The following PARD3B variants were observed in gnomAD, a reference collection of about 807,000 sequenced individuals.
PARD3B encodes the protein partitioning defective 3 homolog B.
A neutral mutation model predicts 130.2 loss-of-function variants in PARD3B; 103 were observed. The observed-to-expected ratio is 0.79, with a 90% confidence interval of 0.67 to 0.93. The LOEUF (loss-of-function observed/expected upper bound fraction) is 0.93, where lower values mean the gene tolerates loss of function less well. Among genes scored for constraint, PARD3B ranks in the 40% least tolerant of loss-of-function variants. The pLI is 0.00. For synonymous variants in PARD3B, 583 were observed against 553.2 expected (o/e 1.05, Z -0.76); for missense variants, 1,609 against 1,499.2 (o/e 1.07, Z -1.21).
At chr2:204,903,165 G>T (rs1199519045) in intron 2 of PARD3B, among the ~76,000 whole-genome samples, 2 of 152,214 alleles carry the variant, frequency 1.3e-5, no homozygotes, top group African/African-American at 4.8e-5. Flanking sequence ...AATGAGAAAG[G>T]TTGCCATTCT....
intron 11 of PARD3B, among the ~76,000 whole-genome samples, chr2:205,162,587 C>T (rs2034567221): frequency 6.6e-6 from 1 of 152,192 alleles, no homozygotes; most frequent in South Asian, 2.1e-4. Context: ...TAAATACAAG[C>T]ATATATGTCA....
chr2:204,728,297 T>C (rs1407727233), intron 2 of PARD3B, among the ~76,000 whole-genome samples: 1 of 152,084 alleles, frequency 6.6e-6, no homozygotes, highest in Non-Finnish European at 1.5e-5. Flanking sequence ...TTTACTACCA[T>C]AGTGAACAAT....
At position 205,146,897 on chromosome 2, in the gene PARD3B, G is replaced by C. The variant is rs1168548447; in HGVS notation, c.1435-11825G>C. ...ACCCGGCTAATTTTTTGTATTTTTA[G>C]TAGGAATGGGGTTTTGCCATGTTGG... On this transcript the variant is annotated intron_variant, in intron 10 of 22. Coordinates refer to ENST00000406610, the MANE Select transcript of PARD3B (RefSeq NM_001302769.2). This position sits in a 1 kb window ranked among gnomAD's most constrained non-coding sequence, Gnocchi z 4.3. Among the ~76,000 whole-genome samples the C allele has an allele frequency of 6.6e-6, 1 of 151,720 alleles. No individual in the cohort carries two copies. Among genetic ancestry groups the C allele is most frequent in the African/African-American group, 2.4e-5 (1 of 41,312 alleles).
chr2:204,567,362 A>C (rs915642297), intron 1 of PARD3B, among the ~76,000 whole-genome samples: 2 of 152,170 alleles, frequency 1.3e-5, no homozygotes, highest in African/African-American at 4.8e-5. Flanking sequence ...CCATTAAATA[A>C]TAACTCCCTA....
chr2:204,607,202 A>G (rs2033753768), intron 1 of PARD3B, among the ~76,000 whole-genome samples: 1 of 152,212 alleles, frequency 6.6e-6, no homozygotes, highest in South Asian at 2.1e-4. Context: ...TCAAAGTTTA[A>G]GATGGTATCC....
intron 18 of PARD3B, among the ~76,000 whole-genome samples, chr2:205,359,039 T>G (rs938524965): frequency 2.6e-5 from 4 of 152,208 alleles, no homozygotes; most frequent in Non-Finnish European, 5.9e-5. Flanking sequence ...ATCAGAATTT[T>G]TGAAGGTAGC....
chr2:204,627,195 A>G (rs2034516099), intron 1 of PARD3B, among the ~76,000 whole-genome samples: 2 of 152,146 alleles, frequency 1.3e-5, no homozygotes, highest in African/African-American at 4.8e-5. Flanking sequence ...CTGTCAGTCA[A>G]TTAAACCTCT....
chr2:204,928,822 A>G (rs952496450), intron 2 of PARD3B, among the ~76,000 whole-genome samples: 9 of 152,110 alleles, frequency 5.9e-5, no homozygotes, highest in African/African-American at 2.2e-4. Flanking sequence ...AATAATAACA[A>G]TAGTTGGAGT....
chr2:205,080,555 A>T (rs1302435300), intron 4 of PARD3B, among the ~76,000 whole-genome samples: 1 of 152,116 alleles, frequency 6.6e-6, no homozygotes, highest in Non-Finnish European at 1.5e-5. Context: ...TTATCTAAAA[A>T]TCTGTTTTAT....
intron 2 of PARD3B, among the ~76,000 whole-genome samples, chr2:204,694,678 G>C (rs1198755141): frequency 6.6e-6 from 1 of 152,026 alleles, no homozygotes; most frequent in Non-Finnish European, 1.5e-5. Flanking sequence ...CCTTACTATA[G>C]CTAAGGCAAA....
chr2:205,611,434 A>AATACTGAC, intron 22 of PARD3B, among the ~76,000 whole-genome samples: 1 of 152,320 alleles, frequency 6.6e-6, no homozygotes, highest in Non-Finnish European at 1.5e-5. Flanking sequence ...CTTAATGAAA[A>AATACTGAC]ATACTGACAT....
At chr2:204,981,984 T>TACAC (rs891600888) in intron 3 of PARD3B, among the ~76,000 whole-genome samples, 1 of 151,932 alleles carries the variant, frequency 6.6e-6, no homozygotes, top group Admixed American at 6.6e-5. Flanking sequence ...TGTGTGTATG[T>TACAC]ACACACACAC....
At position 204,943,047 on chromosome 2, in the gene PARD3B, C is replaced by T. The variant is rs1247414189; in HGVS notation, c.223-22105C>T. Among the ~76,000 whole-genome samples the T allele has an allele frequency of 2.0e-5, 3 of 151,898 alleles. No individual in the cohort carries two copies. The highest frequency in any genetic ancestry group is 4.8e-5 in the African/African-American group (2 of 41,350). On this transcript the variant is annotated intron_variant, in intron 2 of 22. Transcript: ENST00000406610. The surrounding 1 kb of genome is among the most constrained non-coding windows in gnomAD (Gnocchi z 4.2). ...AAAATAAAAATTAAAAAAGAAAAGA[C>T]AAGAAAGACTTTGTGTAAAAAGACA...
intron 1 of PARD3B, among the ~76,000 whole-genome samples, chr2:204,547,405 A>G (rs1401355742): frequency 6.6e-6 from 1 of 152,162 alleles, no homozygotes; most frequent in Non-Finnish European, 1.5e-5. Flanking sequence ...TACTGATGGA[A>G]TTGAGGTGGA....
chr2:205,299,220 G>A (rs1388859118), intron 16 of PARD3B, among the ~76,000 whole-genome samples: 1 of 152,040 alleles, frequency 6.6e-6, no homozygotes, highest in Non-Finnish European at 1.5e-5. Context: ...ATTCCTTAAT[G>A]CTGTGTGCAG....
chr2:205,177,549 C>T lies in PARD3B; in HGVS notation c.1924+972C>T, dbSNP rs921738887. ...AGTACCATATATTATGTAATCAGTCCCTATATTTTGAACACTTAAGTGTTA... is the reference window on the plus strand; with the variant it reads ...AGTACCATATATTATGTAATCAGTCTCTATATTTTGAACACTTAAGTGTTA... On this transcript the variant is annotated intron_variant, in intron 13 of 22. Coordinates refer to ENST00000406610, the MANE Select transcript of PARD3B (RefSeq NM_001302769.2). Among the ~76,000 whole-genome samples, 4 of 151,988 alleles carry T rather than the reference C, an allele frequency of 2.6e-5. No homozygotes were observed. In the East Asian group the frequency reaches 5.8e-4, roughly 22 times the overall value.
intron 2 of PARD3B, among the ~76,000 whole-genome samples, chr2:204,751,992 C>T (rs1207491308): frequency 6.6e-6 from 1 of 151,940 alleles, no homozygotes; most frequent in East Asian, 1.9e-4. Flanking sequence ...CCTGCTGATC[C>T]CAATGTCAAA....
Position 205,253,362 on chromosome 2 carries a change from G to C in PARD3B, c.2185+7540G>C, listed in dbSNP as rs2039938309. On this transcript the variant is annotated intron_variant, in intron 16 of 22. Coordinates refer to ENST00000406610, the MANE Select transcript of PARD3B (RefSeq NM_001302769.2). The surrounding 1 kb of genome is among the most constrained non-coding windows in gnomAD (Gnocchi z 4.4). ...GATGGAACTGATGGAGGAAATGCTG[G>C]GACTGTGGGTCAGTGCTGACACACC... 1 of 561,234 alleles carries C rather than the reference G, an allele frequency of 1.8e-6. No individual in the cohort carries two copies. Among genetic ancestry groups the C allele is most frequent in the Non-Finnish European group, 3.6e-6 (1 of 278,554 alleles). The allele number at this position is 561,234 out of a possible 1,614,324, so 34.8% of individuals were successfully genotyped here. A position where few individuals can be genotyped will look rare whatever the true frequency, so the allele number is the denominator to read the frequency against.
chr2:205,044,125 A>T (rs1163111152), intron 3 of PARD3B, among the ~76,000 whole-genome samples: 1 of 152,060 alleles, frequency 6.6e-6, no homozygotes, highest in Non-Finnish European at 1.5e-5. Context: ...GTCCCTACAA[A>T]GGACATGAAC....
Sources: gnomAD v4.1 joint callset for allele counts (sites outside exome capture counted in the v4.1 genomes callset) on GRCh38, gnomAD v4.1.1 for gene constraint, Gnocchi (gnomAD v3.1) non-coding constraint, MANE v1.5 for transcripts, NCBI Gene and HGNC (gene_info 2026-07-23, HGNC 2026-07-21) for gene names.